Variants in SYN3 observed in about 807,000 individuals in gnomAD.
SYN3 encodes synapsin III, also known as synapsin-3.
In SYN3, 35 loss-of-function variants were observed where a neutral mutation model predicts 65.8. That is an observed-to-expected ratio of 0.53 (90% CI 0.41 to 0.70). SYN3 has a LOEUF of 0.70. SYN3 is among the 30% of genes least tolerant of loss of function. SYN3 has a pLI of 0.00. For synonymous variants in SYN3, 270 were observed against 292.9 expected (o/e 0.92, Z 0.80); for missense variants, 680 against 749.0 (o/e 0.91, Z 1.08).
intron 6 of SYN3, among the ~76,000 whole-genome samples, chr22:32,610,267 C>T (rs1326960692): frequency 6.6e-6 from 1 of 151,744 alleles, no homozygotes; most frequent in African/African-American, 2.4e-5. Context: ...GGCAACAGAT[C>T]AAGATTCTGT....
At chr22:32,604,879 G>A (rs1267414086) in intron 6 of SYN3, among the ~76,000 whole-genome samples, 2 of 151,828 alleles carry the variant, frequency 1.3e-5, no homozygotes, top group South Asian at 2.1e-4. Context: ...GGTGGCGGGT[G>A]CCTGTAGTCC....
At chr22:32,877,691 G>T (rs2049019616) in intron 4 of SYN3, among the ~76,000 whole-genome samples, 1 of 152,076 alleles carries the variant, frequency 6.6e-6, no homozygotes, top group African/African-American at 2.4e-5. Context: ...CATGATCACT[G>T]TCCCCCTTCT....
chr22:33,002,336 G>A (rs1330918268), intron 2 of SYN3, among the ~76,000 whole-genome samples: 1 of 152,176 alleles, frequency 6.6e-6, no homozygotes, highest in Non-Finnish European at 1.5e-5. Flanking sequence ...ACTTTACATA[G>A]AGTATGCATT....
At chr22:32,571,825 T>C (rs2058762546) in intron 7 of SYN3, among the ~76,000 whole-genome samples, 1 of 152,046 alleles carries the variant, frequency 6.6e-6, no homozygotes, top group Admixed American at 6.5e-5. Flanking sequence ...AGCTTTGTTT[T>C]GTTCACCACT....
intron 7 of SYN3, among the ~76,000 whole-genome samples, chr22:32,564,763 G>A (rs368380830): frequency 8.2e-6 from 1 of 121,274 alleles, no homozygotes. Flanking sequence ...CAGTGCTCCC[G>A]CATTGTACCC....
At position 32,642,450 on chromosome 22, in the gene SYN3, T is replaced by A. The variant is rs542554196; in HGVS notation, c.712-45714A>T. On this transcript the variant is annotated intron_variant, in intron 6 of 13. Coordinates refer to ENST00000358763, the MANE Select transcript of SYN3 (RefSeq NM_003490.4). ...TGATTTTTTATCTTTTTATTTTATT[T>A]TTTTAATTGAGATGGAGTCTTGCTC... Among the ~76,000 whole-genome samples the A allele has an allele frequency of 5.6e-3, 847 of 152,018 alleles. 6 individuals carry two copies. Among genetic ancestry groups the A allele is most frequent in the African/African-American group, 0.019 (787 of 41,458 alleles).
At chr22:32,926,837 T>C (rs967797093) in intron 4 of SYN3, among the ~76,000 whole-genome samples, 2 of 152,300 alleles carry the variant, frequency 1.3e-5, no homozygotes, top group South Asian at 2.1e-4. Flanking sequence ...CAAATGACCA[T>C]GAGAGGGCGA....
chr22:32,914,659 G>T (rs1294420899), intron 4 of SYN3, among the ~76,000 whole-genome samples: 3 of 151,878 alleles, frequency 2.0e-5, no homozygotes, highest in Non-Finnish European at 4.4e-5. Context: ...AGCCATGAGG[G>T]TCTCAATCTC....
At chr22:32,523,615 C>T (rs894963273) in intron 12 of SYN3, among the ~76,000 whole-genome samples, 4 of 152,190 alleles carry the variant, frequency 2.6e-5, no homozygotes, top group Non-Finnish European at 4.4e-5. Flanking sequence ...ATCTCTCTTC[C>T]TGTCCTTGGG....
chr22:32,772,934 T>C (rs2045811859), intron 6 of SYN3, among the ~76,000 whole-genome samples: 1 of 152,190 alleles, frequency 6.6e-6, no homozygotes, highest in Non-Finnish European at 1.5e-5. Flanking sequence ...AATTCTGTAG[T>C]AGTTTGTTAC....
chr22:32,513,469 G>A lies in SYN3; in HGVS notation c.*223C>T. On this transcript the variant is annotated 3_prime_UTR_variant, in exon 14 of 14. Transcript: ENST00000358763. ...GCTCAGGCCTGTTTTGAGGAACCTG[G>A]AGGCTCTCAAAGGCCCACCTCACAG... 1 of 521,926 alleles carries A rather than the reference G, an allele frequency of 1.9e-6. No individual in the cohort carries two copies. The highest frequency in any genetic ancestry group is 3.4e-5 in the South Asian group (1 of 29,046). 32.3% of individuals were successfully genotyped at this position (521,926 alleles called of 1,614,324 possible). A position where few individuals can be genotyped will look rare whatever the true frequency, so the allele number is the denominator to read the frequency against.
At chr22:32,708,756 A>G (rs1286764497) in intron 6 of SYN3, among the ~76,000 whole-genome samples, 1 of 152,222 alleles carries the variant, frequency 6.6e-6, no homozygotes, top group Non-Finnish European at 1.5e-5. Context: ...CCAGGCCTCG[A>G]CACAGCCAGA....
intron 1 of SYN3, among the ~76,000 whole-genome samples, chr22:33,032,216 A>C (rs2053767256): frequency 6.6e-6 from 1 of 151,124 alleles, no homozygotes. Flanking sequence ...TCTTTAAAAA[A>C]AAAAAAAAAT....
intron 2 of SYN3, among the ~76,000 whole-genome samples, chr22:32,994,090 GT>G (rs2052806249): frequency 6.6e-6 from 1 of 152,192 alleles, no homozygotes; most frequent in Non-Finnish European, 1.5e-5. Context: ...ATTGGACAGC[GT>G]GTAGACCTCA....
intron 6 of SYN3, among the ~76,000 whole-genome samples, chr22:32,799,712 C>A (rs967733101): frequency 6.6e-6 from 1 of 152,176 alleles, no homozygotes; most frequent in Non-Finnish European, 1.5e-5. Context: ...CGTATGCCCT[C>A]ATTCAACCTG....
intron 7 of SYN3, among the ~76,000 whole-genome samples, 159 bp from the exon 8 acceptor site, chr22:32,541,872 C>T (rs1296912565): frequency 1.3e-5 from 2 of 152,150 alleles, no homozygotes; most frequent in Non-Finnish European, 2.9e-5. Context: ...TTCCACCACA[C>T]ACCGCACGAG....
intron 6 of SYN3, among the ~76,000 whole-genome samples, chr22:32,830,475 G>T (rs572630683): frequency 6.6e-6 from 1 of 152,146 alleles, no homozygotes; most frequent in African/African-American, 2.4e-5. Flanking sequence ...TCATGTCTTT[G>T]CCCTGTGTGC....
chr22:32,523,535 C>CA (rs946370134), intron 12 of SYN3, among the ~76,000 whole-genome samples: 11 of 151,866 alleles, frequency 7.2e-5, no homozygotes, highest in East Asian at 3.9e-4. Flanking sequence ...AACAAACAAA[C>CA]AAAAAAAGAC....
chr22:33,017,821 C>G (rs1178517094), intron 1 of SYN3, among the ~76,000 whole-genome samples: 1 of 148,674 alleles, frequency 6.7e-6, no homozygotes, highest in Non-Finnish European at 1.5e-5. Context: ...CATCAGCAAA[C>G]AGAGACAATT....
Sources: gnomAD v4.1 joint callset for allele counts (sites outside exome capture counted in the v4.1 genomes callset) on GRCh38, gnomAD v4.1.1 for gene constraint, MANE v1.5 for transcripts, NCBI Gene and HGNC (gene_info 2026-07-23, HGNC 2026-07-21) for gene names.